SLC24A2: variants seen among roughly 807,000 people sequenced by gnomAD.
SLC24A2 encodes the protein solute carrier family 24 member 2.
SLC24A2 carries 36 observed loss-of-function variants against 62.0 expected under a neutral mutation model. That is an observed-to-expected ratio of 0.58 (90% CI 0.44 to 0.77). SLC24A2 has a LOEUF of 0.77. Among genes scored for constraint, SLC24A2 ranks in the 30% least tolerant of loss-of-function variants. SLC24A2 has a pLI of 0.00. For synonymous variants in SLC24A2, 358 were observed against 294.0 expected (o/e 1.22, Z -2.23); for missense variants, 846 against 817.9 (o/e 1.03, Z -0.42).
At chr9:19,850,959 ATATATATGTATATATATATATATATG>A in the SLC24A2 span, among the ~76,000 whole-genome samples, 4 of 22,708 alleles carry the variant, frequency 1.8e-4, no homozygotes, top group African/African-American at 2.5e-4. Context: ...ATATATATAT[ATATATATGTATATATATATATATATG>A]TATATATATA....
At chr9:19,672,429 CTCT>C (rs1819448089) in intron 2 of SLC24A2, among the ~76,000 whole-genome samples, 1 of 146,418 alleles carries the variant, frequency 6.8e-6, no homozygotes, top group East Asian at 1.9e-4. Flanking sequence ...TGGGTCTTCT[CTCT>C]TCTTTGTTAA....
chr9:20,123,172 C>T, the SLC24A2 span, among the ~76,000 whole-genome samples: 2 of 152,086 alleles, frequency 1.3e-5, no homozygotes, highest in African/African-American at 4.8e-5. Flanking sequence ...ATAGATGGTA[C>T]CTTCTAGCTG....
the SLC24A2 span, among the ~76,000 whole-genome samples, chr9:19,999,081 G>T: frequency 5.3e-5 from 8 of 152,174 alleles, no homozygotes; most frequent in Non-Finnish European, 1.0e-4. Context: ...TCCCCAATTT[G>T]TTCATCTGTA....
the SLC24A2 span, among the ~76,000 whole-genome samples, chr9:20,153,077 G>GA: frequency 6.6e-6 from 1 of 151,846 alleles, no homozygotes; most frequent in Admixed American, 6.6e-5. Flanking sequence ...AGAAAATTTA[G>GA]AAACCTCAGA....
chr9:20,015,219 G>T, the SLC24A2 span, among the ~76,000 whole-genome samples: 1 of 152,162 alleles, frequency 6.6e-6, no homozygotes, highest in Non-Finnish European at 1.5e-5. Context: ...AACCTCAGCA[G>T]GTCAGAGCAT....
At chr9:19,861,534 T>G in the SLC24A2 span, among the ~76,000 whole-genome samples, 1 of 152,062 alleles carries the variant, frequency 6.6e-6, no homozygotes, top group Non-Finnish European at 1.5e-5. Context: ...CAGACACAGA[T>G]GAACATCTAC....
At chr9:19,781,572 T>C (rs1823021854) in intron 2 of SLC24A2, among the ~76,000 whole-genome samples, 1 of 152,174 alleles carries the variant, frequency 6.6e-6, no homozygotes, top group Admixed American at 6.5e-5. Context: ...AAGCAGTAAC[T>C]GACGGGTTTA....
intron 2 of SLC24A2, among the ~76,000 whole-genome samples, chr9:19,652,262 T>A (rs1818823279): frequency 6.6e-6 from 1 of 152,152 alleles, no homozygotes; most frequent in East Asian, 1.9e-4. Flanking sequence ...ATTACCATGG[T>A]AGGCTGAATA....
chr9:20,099,247 A>T, the SLC24A2 span, among the ~76,000 whole-genome samples: 3 of 152,226 alleles, frequency 2.0e-5, no homozygotes, highest in African/African-American at 4.8e-5. Context: ...AGTTCTATCC[A>T]GAGATAGGAG....
the SLC24A2 span, among the ~76,000 whole-genome samples, chr9:20,133,004 C>T: frequency 1.3e-5 from 2 of 152,016 alleles, no homozygotes; most frequent in Admixed American, 1.3e-4. Flanking sequence ...GTTAATGAAC[C>T]AAATTTCAAT....
chr9:19,820,042 C>CATAT, the SLC24A2 span, among the ~76,000 whole-genome samples: 168 of 32,868 alleles, frequency 5.1e-3, 2 homozygotes, highest in Middle Eastern at 0.015. Context: ...TATATATATA[C>CATAT]ATATATATAT....
At chr9:19,925,474 A>G in the SLC24A2 span, among the ~76,000 whole-genome samples, 1 of 152,304 alleles carries the variant, frequency 6.6e-6, no homozygotes, top group African/African-American at 2.4e-5. Context: ...CCTTGTGTAT[A>G]TATGTTTTAT....
chr9:19,986,271 T>C, the SLC24A2 span, among the ~76,000 whole-genome samples: 4 of 151,942 alleles, frequency 2.6e-5, no homozygotes, highest in Non-Finnish European at 4.4e-5. Context: ...AACTAGAAAA[T>C]AAGTATAAGT....
rs567530182 is a variant in SLC24A2, at chr9:19,522,162, C to A, written c.1570-1102G>T. Among the ~76,000 whole-genome samples, 18 of 152,230 alleles carry A rather than the reference C, an allele frequency of 1.2e-4. No individual in the cohort carries two copies. In the South Asian group the frequency reaches 2.1e-3, roughly 18 times the overall value. On this transcript the variant is annotated intron_variant, in intron 9 of 10. Transcript: ENST00000341998. ...TAGCTGGGACCACAGGTGAGCACTG[C>A]CACACCTGGCTAGTTTTTTTTAGAG...
At chr9:19,578,279 T>C (rs914084539) in intron 5 of SLC24A2, among the ~76,000 whole-genome samples, 4 of 151,752 alleles carry the variant, frequency 2.6e-5, no homozygotes, top group East Asian at 1.9e-4. Flanking sequence ...AAAGTAATCA[T>C]TTTAAACAGC....
chr9:20,040,200 A>G, the SLC24A2 span, among the ~76,000 whole-genome samples: 186 of 152,344 alleles, frequency 1.2e-3, 1 homozygote, highest in Non-Finnish European at 4.4e-4. Context: ...GAGCGATGGA[A>G]CGATTTTTTG....
At chr9:20,060,347 T>A in the SLC24A2 span, among the ~76,000 whole-genome samples, 2 of 152,068 alleles carry the variant, frequency 1.3e-5, no homozygotes, top group African/African-American at 2.4e-5. Context: ...GACAGAGATA[T>A]CACAGGAAAA....
intron 2 of SLC24A2, among the ~76,000 whole-genome samples, chr9:19,783,589 A>G (rs954808750): frequency 6.6e-6 from 1 of 152,178 alleles, no homozygotes; most frequent in African/African-American, 2.4e-5. Context: ...AATCACATTC[A>G]GAGATGTGAT....
At chr9:20,266,169 C>T in the SLC24A2 span, among the ~76,000 whole-genome samples, 2 of 152,184 alleles carry the variant, frequency 1.3e-5, no homozygotes, top group Non-Finnish European at 2.9e-5. Context: ...AGCATGTGAT[C>T]TCTGTGACCC....
Sources: allele counts gnomAD v4.1 joint callset (sites outside exome capture counted in the v4.1 genomes callset), GRCh38; gene constraint gnomAD v4.1.1; transcripts MANE v1.5; gene names NCBI Gene and HGNC (gene_info 2026-07-23, HGNC 2026-07-21).